Variants in GARIN1A observed in about 807,000 individuals in gnomAD.
The protein encoded by GARIN1A is Golgi-associated RAB2 interactor protein 1A.
chr7:128,691,586 G>A, the GARIN1A span: 3 of 152,200 alleles, frequency 2.0e-5, no homozygotes, highest in Admixed American at 6.5e-5. Flanking sequence ...AGACACCACT[G>A]GCCAAGACCC....
At chr7:128,688,395 A>G in the GARIN1A span, among the ~76,000 whole-genome samples, 1 of 152,224 alleles carries the variant, frequency 6.6e-6, no homozygotes, top group Admixed American at 6.5e-5. Flanking sequence ...CTATGCACAA[A>G]ATGAGAGAAG....
the GARIN1A span, among the ~76,000 whole-genome samples, chr7:128,681,588 A>G: frequency 2.0e-5 from 3 of 150,364 alleles, no homozygotes; most frequent in Non-Finnish European, 4.4e-5. Context: ...TACAGCCTCA[A>G]TCTCCTGGGG....
chr7:128,672,471 G>T, the GARIN1A span: 1 of 1,608,820 alleles, frequency 6.2e-7, no homozygotes, highest in Non-Finnish European at 8.5e-7. Flanking sequence ...GTGGAAAATG[G>T]CCTTCTTTGT....
chr7:128,675,728 C>T, the GARIN1A span: 2 of 1,613,918 alleles, frequency 1.2e-6, no homozygotes, highest in Non-Finnish European at 1.7e-6. Flanking sequence ...CCACCGTGAT[C>T]CTCGGGGTCA....
At chr7:128,672,332 C>A in the GARIN1A span, 2 of 1,394,168 alleles carry the variant, frequency 1.4e-6, no homozygotes, top group East Asian at 2.4e-5. Flanking sequence ...CATCAACATC[C>A]TGGCATTGGG....
the GARIN1A span, among the ~76,000 whole-genome samples, chr7:128,689,146 C>G: frequency 1.3e-5 from 2 of 152,108 alleles, no homozygotes; most frequent in African/African-American, 2.4e-5. Context: ...GATCTCGGCT[C>G]GCTACAACCT....
At chr7:128,699,220 G>C in the GARIN1A span, among the ~76,000 whole-genome samples, 1 of 144,088 alleles carries the variant, frequency 6.9e-6, no homozygotes, top group Non-Finnish European at 1.5e-5. Flanking sequence ...CAATAATACA[G>C]AACTAAAGTA....
At chr7:128,704,773 C>G in the GARIN1A span, among the ~76,000 whole-genome samples, 2 of 152,220 alleles carry the variant, frequency 1.3e-5, no homozygotes, top group African/African-American at 4.8e-5. Flanking sequence ...GCTTCACTCA[C>G]TGCCGGCCAC....
the GARIN1A span, among the ~76,000 whole-genome samples, chr7:128,692,397 T>G: frequency 6.6e-6 from 1 of 152,230 alleles, no homozygotes; most frequent in African/African-American, 2.4e-5. Flanking sequence ...ACTGGGCTCA[T>G]CCTTGAAGTT....
the GARIN1A span, among the ~76,000 whole-genome samples, chr7:128,700,041 C>T: frequency 6.6e-6 from 1 of 152,042 alleles, no homozygotes; most frequent in Non-Finnish European, 1.5e-5. Flanking sequence ...TTAGTACTTA[C>T]ATAGTGTATT....
At chr7:128,675,979 A>T in the GARIN1A span, 1 of 665,498 alleles carries the variant, frequency 1.5e-6, no homozygotes, top group Non-Finnish European at 2.5e-6. Flanking sequence ...ACCCTGTAGA[A>T]CTCATTCATT....
the GARIN1A span, among the ~76,000 whole-genome samples, chr7:128,696,241 C>T: frequency 6.6e-6 from 1 of 151,950 alleles, no homozygotes; most frequent in East Asian, 1.9e-4. Flanking sequence ...TGGTCTCGAA[C>T]TCCTGGGCTC....
chr7:128,678,025 T>C, the GARIN1A span: 1,255 of 340,980 alleles, frequency 3.7e-3, 3 homozygotes, highest in East Asian at 8.7e-3. Context: ...CTTTTTTTTT[T>C]TTTTTTTTTT....
the GARIN1A span, chr7:128,684,055 G>C: frequency 6.6e-6 from 1 of 152,124 alleles, no homozygotes; most frequent in African/African-American, 2.4e-5. Flanking sequence ...TCCAACACTG[G>C]GGATTAAATT....
At chr7:128,677,794 C>G in the GARIN1A span, 3 of 1,613,590 alleles carry the variant, frequency 1.9e-6, no homozygotes, top group Non-Finnish European at 2.5e-6. Flanking sequence ...AAGATGCCCA[C>G]CAACTCCACA....
chr7:128,677,466 C>T, the GARIN1A span: 37 of 1,326,388 alleles, frequency 2.8e-5, no homozygotes, highest in African/African-American at 5.0e-4. Context: ...GAGATCGCGC[C>T]ACTGCACTCT....
At chr7:128,694,130 T>C in the GARIN1A span, among the ~76,000 whole-genome samples, 1 of 152,202 alleles carries the variant, frequency 6.6e-6, no homozygotes, top group Non-Finnish European at 1.5e-5. Flanking sequence ...TTCTTAGTAC[T>C]TGGACTACTG....
chr7:128,690,711 C>T, the GARIN1A span: 61 of 152,106 alleles, frequency 4.0e-4, no homozygotes, highest in African/African-American at 1.3e-3. Context: ...AGAGGATGTA[C>T]GCAATTAAAA....
chr7:128,708,491 G>A, the GARIN1A span, among the ~76,000 whole-genome samples: 1 of 151,582 alleles, frequency 6.6e-6, no homozygotes, highest in African/African-American at 2.4e-5. Flanking sequence ...TAATGAGACA[G>A]TGCTGTGACT....
Sources: gnomAD v4.1 joint callset for allele counts (sites outside exome capture counted in the v4.1 genomes callset) on GRCh38, gnomAD v4.1.1 for gene constraint, MANE v1.5 for transcripts, NCBI Gene and HGNC (gene_info 2026-07-23, HGNC 2026-07-21) for gene names.